METTL15: variants seen among roughly 807,000 people sequenced by gnomAD.
METTL15 encodes 12S rRNA N(4)-cytidine methyltransferase METTL15.
Under a neutral mutation model 38.3 loss-of-function variants are expected in METTL15, and 34 were observed. The ratio of observed to expected loss-of-function variants is 0.89; its 90% confidence interval spans 0.68 to 1.18. The LOEUF (loss-of-function observed/expected upper bound fraction) is 1.18, where lower values mean the gene tolerates loss of function less well. METTL15 is among the 50% of genes most tolerant of loss of function. The pLI, the probability that METTL15 is intolerant of heterozygous loss-of-function variation, is 0.00. For missense variants in METTL15, 438 were observed against 498.4 expected, an observed-to-expected ratio of 0.88 and a Z score of 1.15; for synonymous variants, 162 against 170.9, an observed-to-expected ratio of 0.95 and a Z score of 0.41.
At chr11:28,211,256 T>G in intron 4 of METTL15, 58 bp downstream of exon 4, 1 of 1,513,704 alleles carries the variant, frequency 6.6e-7, no homozygotes. Flanking sequence ...CAGAGCTTGG[T>G]TTACCACCTT....
intron 6 of METTL15, among the ~76,000 whole-genome samples, chr11:28,499,031 AC>A (rs1851559383): frequency 6.6e-6 from 1 of 152,192 alleles, no homozygotes; most frequent in African/African-American, 2.4e-5. Flanking sequence ...AAGCTATTGA[AC>A]TTGTCTATTC....
intron 6 of METTL15, among the ~76,000 whole-genome samples, chr11:28,431,952 C>T (rs975371634): frequency 6.6e-6 from 1 of 152,102 alleles, no homozygotes; most frequent in African/African-American, 2.4e-5. Context: ...CCACAGGGTG[C>T]CCATCATAGG....
intron 3 of METTL15, among the ~76,000 whole-genome samples, chr11:28,148,679 C>T (rs1430908293): frequency 1.3e-5 from 2 of 151,800 alleles, no homozygotes; most frequent in South Asian, 2.1e-4. Flanking sequence ...TACCAATTTC[C>T]CCGATTGTCA....
chr11:28,463,657 G>C (rs998884479), intron 6 of METTL15, among the ~76,000 whole-genome samples: 2 of 151,952 alleles, frequency 1.3e-5, no homozygotes, highest in African/African-American at 4.8e-5. Flanking sequence ...GTATTTATCA[G>C]GATAGGTTGG....
At chr11:28,261,798 A>C (rs1370292315) in intron 4 of METTL15, among the ~76,000 whole-genome samples, 1 of 152,094 alleles carries the variant, frequency 6.6e-6, no homozygotes, top group African/African-American at 2.4e-5. Flanking sequence ...CTGATGTGTT[A>C]ATAATAATAA....
At chr11:28,398,438 G>A (rs1850596510) in intron 5 of METTL15, among the ~76,000 whole-genome samples, 1 of 152,068 alleles carries the variant, frequency 6.6e-6, no homozygotes, top group Admixed American at 6.6e-5. Context: ...GTGATGATGA[G>A]CTTTTTTTCA....
At chr11:28,355,631 T>C (rs1850084256) in intron 4 of METTL15, among the ~76,000 whole-genome samples, 1 of 152,320 alleles carries the variant, frequency 6.6e-6, no homozygotes, top group African/African-American at 2.4e-5. Context: ...AGCATTTACA[T>C]TGTACTAGGC....
intron 3 of METTL15, among the ~76,000 whole-genome samples, chr11:28,160,208 A>G (rs1454225526): frequency 6.6e-6 from 1 of 151,910 alleles, no homozygotes; most frequent in East Asian, 1.9e-4. Context: ...CATGCAATAT[A>G]ATGGAATATA....
chr11:28,441,649 T>G (rs1274510171), intron 6 of METTL15, among the ~76,000 whole-genome samples: 4 of 152,306 alleles, frequency 2.6e-5, no homozygotes, highest in African/African-American at 9.6e-5. Flanking sequence ...AACAATAGAT[T>G]TTCATCTGGG....
intron 3 of METTL15, among the ~76,000 whole-genome samples, chr11:28,151,512 C>G (rs1182411458): frequency 6.6e-6 from 1 of 151,906 alleles, no homozygotes; most frequent in African/African-American, 2.4e-5. Flanking sequence ...GCGTTACTTC[C>G]TACTTGATAA....
At chr11:28,323,783 A>G (rs1415344194) in intron 6 of METTL15, among the ~76,000 whole-genome samples, 1 of 152,194 alleles carries the variant, frequency 6.6e-6, no homozygotes, top group Admixed American at 6.5e-5. Flanking sequence ...GAGACAAAGA[A>G]AACAGAAAGG....
intron 3 of METTL15, among the ~76,000 whole-genome samples, chr11:28,127,188 C>T (rs1021684525): frequency 4.6e-5 from 7 of 151,824 alleles, no homozygotes; most frequent in African/African-American, 1.5e-4. Flanking sequence ...ATGGATTGGT[C>T]CAGATTACTT....
intron 6 of METTL15, among the ~76,000 whole-genome samples, chr11:28,462,252 A>G (rs184631789): frequency 1.4e-4 from 21 of 152,222 alleles, no homozygotes; most frequent in African/African-American, 4.6e-4. Flanking sequence ...TGTTATGGGA[A>G]TAAGGAAGAG....
chr11:28,525,165 G>T (rs1185799947), intron 6 of METTL15, among the ~76,000 whole-genome samples: 1 of 152,146 alleles, frequency 6.6e-6, no homozygotes. Flanking sequence ...AAGATTTATT[G>T]CAAAGAGCAA....
chr11:28,468,719 A>G (rs906140594), intron 6 of METTL15, among the ~76,000 whole-genome samples: 1 of 152,148 alleles, frequency 6.6e-6, no homozygotes, highest in Non-Finnish European at 1.5e-5. Context: ...CAGCAAAGGG[A>G]GCTTCGTGAC....
chr11:28,369,728 G>T (rs1263921358), intron 5 of METTL15, among the ~76,000 whole-genome samples: 1 of 152,084 alleles, frequency 6.6e-6, no homozygotes, highest in African/African-American at 2.4e-5. Flanking sequence ...GACTTTCCAA[G>T]ATAAACAAAA....
intron 4 of METTL15, among the ~76,000 whole-genome samples, chr11:28,213,655 T>C (rs1405535199): frequency 6.7e-6 from 1 of 150,244 alleles, no homozygotes; most frequent in Non-Finnish European, 1.5e-5. Context: ...AATGCCTTTT[T>C]TTCTTTTTTT....
chr11:28,245,350 A>C (rs1210578221), intron 4 of METTL15, among the ~76,000 whole-genome samples: 2 of 152,208 alleles, frequency 1.3e-5, no homozygotes, highest in Non-Finnish European at 2.9e-5. Context: ...TGAAATTTTC[A>C]AGAGAAACAG....
chr11:28,257,991 T>C (rs1855041649), intron 4 of METTL15, among the ~76,000 whole-genome samples: 1 of 152,190 alleles, frequency 6.6e-6, no homozygotes, highest in Admixed American at 6.5e-5. Context: ...TTATTATAGT[T>C]TTCATAGTCT....
Sources: gnomAD v4.1 joint callset for allele counts (sites outside exome capture counted in the v4.1 genomes callset) on GRCh38, gnomAD v4.1.1 for gene constraint, MANE v1.5 for transcripts, NCBI Gene and HGNC (gene_info 2026-07-23, HGNC 2026-07-21) for gene names.